The following DPF3 variants were observed in gnomAD, a reference collection of about 807,000 sequenced individuals.
The protein encoded by DPF3 is zinc finger protein DPF3.
A neutral mutation model predicts 56.8 loss-of-function variants in DPF3; 18 were observed. The observed-to-expected ratio is 0.32, with a 90% CI of 0.22 to 0.47. DPF3 has a LOEUF of 0.47. DPF3 is among the 20% of genes least tolerant of loss of function. The pLI, the probability that DPF3 is intolerant of heterozygous loss-of-function variation, is 1.00. For missense variants in DPF3, 403 were observed against 488.8 expected (o/e 0.82, Z 1.65); for synonymous variants, 188 against 180.2 (o/e 1.04, Z -0.35).
intron 6 of DPF3, among the ~76,000 whole-genome samples, chr14:72,698,243 G>C (rs1887994806): frequency 6.6e-6 from 1 of 152,214 alleles, no homozygotes; most frequent in Non-Finnish European, 1.5e-5. Context: ...ACATTCGATA[G>C]AAACCATACT....
At chr14:72,620,880 C>A (rs935648825) in intron 9 of DPF3, among the ~76,000 whole-genome samples, 2 of 152,228 alleles carry the variant, frequency 1.3e-5, no homozygotes, top group African/African-American at 4.8e-5. Context: ...GTGGCGCATG[C>A]CTGTAATCCC....
At chr14:72,703,783 C>A (rs1370394136) in intron 6 of DPF3, among the ~76,000 whole-genome samples, 1 of 152,200 alleles carries the variant, frequency 6.6e-6, no homozygotes, top group Non-Finnish European at 1.5e-5. Flanking sequence ...GTGCCTGGCA[C>A]ACAGCACATG....
intron 1 of DPF3, among the ~76,000 whole-genome samples, chr14:72,862,164 T>A (rs955569225): frequency 6.6e-6 from 1 of 152,166 alleles, no homozygotes. Flanking sequence ...AGCAACCAGT[T>A]TGCATCCAGG....
chr14:72,707,947 T>C lies in DPF3; in HGVS notation c.604+6476A>G, dbSNP rs145517074. 4.1e-4 allele frequency among the ~76,000 whole-genome samples: 62 copies of C among 152,114 alleles called. 1 individual carries two copies. The East Asian group carries it at 7.9e-3, about 19-fold the overall frequency. ...CTGCAATGAACAAATACTATTTCCA[T>C]AGAAAAAGTTATTTTAAAAAAATAA... On this transcript the variant is annotated intron_variant, in intron 6 of 10. Coordinates refer to ENST00000556509, the MANE Select transcript of DPF3 (RefSeq NM_001280542.3).
chr14:72,821,830 A>G (rs1883557806), intron 1 of DPF3, among the ~76,000 whole-genome samples: 2 of 131,736 alleles, frequency 1.5e-5, no homozygotes, highest in African/African-American at 5.9e-5. Flanking sequence ...ACATGGCGAG[A>G]GCTCATCTCC....
chr14:72,776,850 C>G (rs1891760636), intron 1 of DPF3, among the ~76,000 whole-genome samples: 2 of 151,426 alleles, frequency 1.3e-5, no homozygotes, highest in South Asian at 4.2e-4. Context: ...ACTCAAGTCT[C>G]AATCCTCCTA....
chr14:72,856,681 C>T (rs539893836), intron 1 of DPF3, among the ~76,000 whole-genome samples: 1 of 152,198 alleles, frequency 6.6e-6, no homozygotes, highest in African/African-American at 2.4e-5. Context: ...CCTCCATCTG[C>T]CCCCATTTTC....
intron 8 of DPF3, among the ~76,000 whole-genome samples, chr14:72,646,368 T>A (rs2803974): frequency 0.027 from 4,125 of 151,956 alleles, 149 homozygotes; most frequent in African/African-American, 0.072. Context: ...CTAAGTGGAG[T>A]CCACCTGACT....
intron 1 of DPF3, among the ~76,000 whole-genome samples, chr14:72,773,612 T>C (rs1164458546): frequency 6.6e-6 from 1 of 152,150 alleles, no homozygotes; most frequent in Admixed American, 6.5e-5. Context: ...CATTAAACAA[T>C]AACTCCCCGT....
At chr14:72,815,687 T>C (rs1003814634) in intron 1 of DPF3, among the ~76,000 whole-genome samples, 1 of 152,234 alleles carries the variant, frequency 6.6e-6, no homozygotes, top group African/African-American at 2.4e-5. Flanking sequence ...TATCAGTTCC[T>C]ATTGCTACTC....
intron 1 of DPF3, among the ~76,000 whole-genome samples, chr14:72,833,653 C>A (rs1884159587): frequency 6.6e-6 from 1 of 152,090 alleles, no homozygotes; most frequent in Non-Finnish European, 1.5e-5. Context: ...CCTAGGCCTG[C>A]TTTTAAGTGA....
chr14:72,887,803 A>G (rs571588597), intron 1 of DPF3, among the ~76,000 whole-genome samples: 1 of 152,292 alleles, frequency 6.6e-6, no homozygotes, highest in South Asian at 2.1e-4. Context: ...GAAGTCACTA[A>G]GGCTACAAAA....
At chr14:72,652,810 T>C (rs1451040041) in intron 8 of DPF3, among the ~76,000 whole-genome samples, 2 of 151,988 alleles carry the variant, frequency 1.3e-5, no homozygotes, top group Non-Finnish European at 2.9e-5. Context: ...AATATTACAA[T>C]CTGAAGGCAG....
At chr14:72,753,127 A>T (rs2139900982) in intron 3 of DPF3, 137 bp downstream of exon 3, 1 of 704,598 alleles carries the variant, frequency 1.4e-6, no homozygotes, top group Admixed American at 2.8e-5. Flanking sequence ...TGCACCCTTA[A>T]GCATGATGTG....
In DPF3 at chr14:72,674,351, C is replaced by T; in HGVS notation, c.760G>A (p.Gly254Arg). ...CAGTAGTTATTGGGAATGACTGTTCCATCCGGTCCTTTCTGGGCTGTGGGA... is the reference window on the plus strand; with the variant it reads ...CAGTAGTTATTGGGAATGACTGTTCTATCCGGTCCTTTCTGGGCTGTGGGA... ...ENHRPQKGPD[G>R]TVIPNNYCDF... is the part of the protein sequence containing the mutation. Residue 254 changes from glycine (G) to arginine (R), a missense_variant, in exon 8 of 11, where the codon GGA becomes AGA. Transcript: ENST00000556509. The T allele has an allele frequency of 6.2e-7, 1 of 1,612,892 alleles. No individual in the cohort carries two copies. Among genetic ancestry groups the T allele is most frequent in the East Asian group, 2.2e-5 (1 of 44,846 alleles).
chr14:72,833,346 G>A (rs1232191347), intron 1 of DPF3, among the ~76,000 whole-genome samples: 12 of 152,202 alleles, frequency 7.9e-5, no homozygotes, highest in Admixed American at 7.2e-4. Context: ...CGGGGAATCC[G>A]GGAGGAGGCG....
intron 1 of DPF3, among the ~76,000 whole-genome samples, chr14:72,872,119 C>G (rs59369266): frequency 0.17 from 26,375 of 152,094 alleles, 2,982 homozygotes; most frequent in East Asian, 0.49. Context: ...AGTCACAGCC[C>G]GAGCTATATG....
chr14:72,649,923 C>A (rs1285537277), intron 8 of DPF3, among the ~76,000 whole-genome samples: 1 of 152,214 alleles, frequency 6.6e-6, no homozygotes, highest in East Asian at 1.9e-4. Flanking sequence ...AACCACTACA[C>A]CGCTCGGCCA....
At chr14:72,859,443 A>G (rs1356279761) in intron 1 of DPF3, among the ~76,000 whole-genome samples, 1 of 146,804 alleles carries the variant, frequency 6.8e-6, no homozygotes, top group Non-Finnish European at 1.5e-5. Context: ...ATCACAGTTT[A>G]ACTTCATTGG....
Sources: allele counts gnomAD v4.1 joint callset (sites outside exome capture counted in the v4.1 genomes callset), GRCh38; gene constraint gnomAD v4.1.1; transcripts MANE v1.5; gene names NCBI Gene and HGNC (gene_info 2026-07-23, HGNC 2026-07-21).